The following RGS7 variants were observed in gnomAD, a reference collection of about 807,000 sequenced individuals.
RGS7 encodes the protein regulator of G-protein signaling 7.
A neutral mutation model predicts 81.1 loss-of-function variants in RGS7; 27 were observed. The ratio of observed to expected loss-of-function variants is 0.33; its 90% confidence interval spans 0.25 to 0.46. The LOEUF is 0.46. RGS7 is among the 20% of genes least tolerant of loss of function. The pLI is 1.00. For synonymous variants in RGS7, 208 were observed against 207.7 expected, an observed-to-expected ratio of 1.00 and a Z score of -0.01; for missense variants, 396 against 607.4, an observed-to-expected ratio of 0.65 and a Z score of 3.66.
intron 2 of RGS7, among the ~76,000 whole-genome samples, chr1:241,219,561 T>G (rs56060073): frequency 1.1e-3 from 173 of 152,262 alleles, no homozygotes; most frequent in Non-Finnish European, 1.9e-3. Flanking sequence ...TCTGAGATGG[T>G]CAGAGTTATG....
chr1:241,215,296 C>T (rs908303482), intron 2 of RGS7, among the ~76,000 whole-genome samples: 30 of 152,070 alleles, frequency 2.0e-4, no homozygotes, highest in African/African-American at 7.2e-4. Context: ...TAGGAGTGGC[C>T]CTTATAGGTT....
intron 18 of RGS7, among the ~76,000 whole-genome samples, chr1:240,793,611 A>ATATATATAT: frequency 3.8e-5 from 3 of 78,810 alleles, no homozygotes; most frequent in African/African-American, 2.9e-4. Context: ...ATATATATAT[A>ATATATATAT]TTTTTTTTTT....
intron 2 of RGS7, among the ~76,000 whole-genome samples, chr1:241,354,125 T>C (rs2083417573): frequency 6.6e-6 from 1 of 152,140 alleles, no homozygotes; most frequent in Admixed American, 6.5e-5. Flanking sequence ...CTCTTCACAT[T>C]GTATACACCC....
At chr1:240,827,651 T>C (rs1693077262) in intron 9 of RGS7, among the ~76,000 whole-genome samples, 1 of 151,814 alleles carries the variant, frequency 6.6e-6, no homozygotes, top group Admixed American at 6.6e-5. Flanking sequence ...TCACCTGAGG[T>C]AAGGAGTTCG....
chr1:241,178,087 G>A (rs1459017730), intron 2 of RGS7, among the ~76,000 whole-genome samples: 2 of 152,098 alleles, frequency 1.3e-5, no homozygotes, highest in Non-Finnish European at 2.9e-5. Context: ...AGGAGTTCAA[G>A]AAAAGCCTGG....
At chr1:241,008,996 C>T (rs2058825316) in intron 3 of RGS7, among the ~76,000 whole-genome samples, 1 of 150,664 alleles carries the variant, frequency 6.6e-6, no homozygotes, top group South Asian at 2.1e-4. Context: ...CAGCTGTAAC[C>T]TTTGTTTCTC....
rs769211249 is a variant in RGS7 at position 240,936,615 on chromosome 1, G to T, written c.318C>A (p.Thr106=). 1 of 1,613,274 alleles carries T rather than the reference G, an allele frequency of 6.2e-7. No individual in the cohort carries two copies. Among genetic ancestry groups the T allele is most frequent in the Non-Finnish European group, 8.5e-7 (1 of 1,179,236 alleles). The change falls in exon 5 of 19, where the codon ACC becomes ACA. Residue 106 remains threonine, a synonymous_variant. Coordinates refer to ENST00000440928, the MANE Select transcript of RGS7 (RefSeq NM_001364886.1). ...ATAAACTTACTTGAAACCGGTAAAA[G>T]GTGCCATCATCCTTGAGTGTGAGGA... The part of the protein sequence containing the change: ...DHVLTLKDDG[T]FYRFQTPYFW...
At chr1:241,051,578 A>C (rs2148807396) in intron 3 of RGS7, among the ~76,000 whole-genome samples, 1 of 146,894 alleles carries the variant, frequency 6.8e-6, no homozygotes, top group African/African-American at 2.5e-5. Flanking sequence ...CCACCCCATC[A>C]CTCCTCTTCT....
At chr1:240,951,424 C>T (rs1019628254) in intron 4 of RGS7, among the ~76,000 whole-genome samples, 3 of 151,942 alleles carry the variant, frequency 2.0e-5, no homozygotes, top group African/African-American at 7.3e-5. Flanking sequence ...ATAATGTAAG[C>T]AGAAAGATTC....
intron 3 of RGS7, among the ~76,000 whole-genome samples, chr1:241,045,135 G>A (rs1444014230): frequency 6.6e-6 from 1 of 152,040 alleles, no homozygotes; most frequent in Non-Finnish European, 1.5e-5. Flanking sequence ...TCTTCATTCA[G>A]AACAGTAGAT....
At chr1:241,337,910 C>T (rs1915876) in intron 2 of RGS7, among the ~76,000 whole-genome samples, 44,120 of 152,050 alleles carry the variant, frequency 0.29, 7,468 homozygotes, top group African/African-American at 0.47. Context: ...CTAGTATTTT[C>T]CATAAGCTCA....
intron 2 of RGS7, among the ~76,000 whole-genome samples, chr1:241,147,777 G>A (rs1286498049): frequency 1.3e-4 from 2 of 15,434 alleles, no homozygotes; most frequent in African/African-American, 1.8e-4. Context: ...TCTAGATTAA[G>A]TTTTATATAT....
At chr1:241,229,112 A>C (rs2075497175) in intron 2 of RGS7, among the ~76,000 whole-genome samples, 1 of 152,080 alleles carries the variant, frequency 6.6e-6, no homozygotes, top group Admixed American at 6.6e-5. Context: ...GGTTTTAAAA[A>C]ACAAATTTGG....
chr1:241,101,898 T>C (rs1302666251), intron 2 of RGS7, among the ~76,000 whole-genome samples: 1 of 152,242 alleles, frequency 6.6e-6, no homozygotes, highest in African/African-American at 2.4e-5. Flanking sequence ...TTTAGGTGCG[T>C]AGCTATGAGT....
At chr1:240,960,435 G>A (rs910758418) in intron 4 of RGS7, among the ~76,000 whole-genome samples, 2 of 150,442 alleles carry the variant, frequency 1.3e-5, no homozygotes, top group African/African-American at 4.9e-5. Flanking sequence ...GTAGACATAG[G>A]GTTTCACCAT....
At chr1:241,010,376 G>A (rs974553881) in intron 3 of RGS7, among the ~76,000 whole-genome samples, 1 of 152,106 alleles carries the variant, frequency 6.6e-6, no homozygotes, top group Admixed American at 6.5e-5. Context: ...TAATACACAT[G>A]GATTTAAACA....
intron 2 of RGS7, among the ~76,000 whole-genome samples, chr1:241,183,040 C>T (rs1359445058): frequency 6.6e-6 from 1 of 151,714 alleles, no homozygotes; most frequent in Non-Finnish European, 1.5e-5. Context: ...CCTCTGGGTC[C>T]TGCTGTGTGC....
At chr1:240,781,538 C>T (rs1047044421) in intron 18 of RGS7, among the ~76,000 whole-genome samples, 4 of 152,062 alleles carry the variant, frequency 2.6e-5, no homozygotes, top group Non-Finnish European at 5.9e-5. Context: ...ACCCAGGAGG[C>T]GGAGGTTGCA....
intron 6 of RGS7, among the ~76,000 whole-genome samples, chr1:240,895,160 T>C (rs960044429): frequency 7.9e-5 from 12 of 152,188 alleles, no homozygotes; most frequent in Non-Finnish European, 1.5e-4. Flanking sequence ...TCCACCATGA[T>C]TGAAAGCTCC....
Sources: allele counts gnomAD v4.1 joint callset (sites outside exome capture counted in the v4.1 genomes callset), GRCh38; gene constraint gnomAD v4.1.1; transcripts MANE v1.5; gene names NCBI Gene and HGNC (gene_info 2026-07-23, HGNC 2026-07-21).